The following ACBD6 variants were observed in gnomAD, a reference collection of about 807,000 sequenced individuals.
The protein encoded by ACBD6 is acyl-CoA-binding domain-containing protein 6.
In ACBD6, 28 loss-of-function variants were observed where a neutral mutation model predicts 37.2. That is an observed-to-expected ratio of 0.75 (90% CI 0.56 to 1.03). ACBD6 has a LOEUF of 1.03. ACBD6 is among the 50% of genes least tolerant of loss of function. ACBD6 has a pLI of 0.00. For missense variants in ACBD6, 340 were observed against 337.4 expected (o/e 1.01, Z -0.06); for synonymous variants, 113 against 126.8 (o/e 0.89, Z 0.73).
intron 8 of ACBD6, chr1:180,281,472 T>TGA (rs1259189365): frequency 3.9e-5 from 6 of 152,252 alleles, no homozygotes; most frequent in African/African-American, 1.4e-4. Flanking sequence ...AATAACATCT[T>TGA]GAGAGGTGAT....
chr1:180,298,384 G>A (rs959983604), intron 7 of ACBD6, among the ~76,000 whole-genome samples: 2 of 152,132 alleles, frequency 1.3e-5, no homozygotes, highest in African/African-American at 4.8e-5. Context: ...GATCACGCTT[G>A]GCTCAATTCC....
At chr1:180,458,694 G>C (rs1378123513) in intron 3 of ACBD6, among the ~76,000 whole-genome samples, 1 of 152,042 alleles carries the variant, frequency 6.6e-6, no homozygotes, top group Non-Finnish European at 1.5e-5. Context: ...CATAGTTGAG[G>C]GGCAATGAAA....
chr1:180,496,498 T>C (rs1010162638), intron 1 of ACBD6, among the ~76,000 whole-genome samples: 2 of 152,190 alleles, frequency 1.3e-5, no homozygotes, highest in Non-Finnish European at 2.9e-5. Context: ...CAGAATGATC[T>C]ACTGACTGCC....
chr1:180,492,139 T>A (rs1651529311), intron 3 of ACBD6, 130 bp downstream of exon 3: 1 of 729,920 alleles, frequency 1.4e-6, no homozygotes, highest in Non-Finnish European at 2.3e-6. Context: ...AATATTACAA[T>A]AACTTTAAAA....
intron 7 of ACBD6, among the ~76,000 whole-genome samples, chr1:180,297,722 C>A (rs377047404): frequency 8.5e-5 from 13 of 152,070 alleles, no homozygotes; most frequent in African/African-American, 3.1e-4. Context: ...TTTAAAATTG[C>A]CTCCCAAAAT....
chr1:180,408,911 C>A (rs909333225), intron 5 of ACBD6, among the ~76,000 whole-genome samples: 2 of 152,028 alleles, frequency 1.3e-5, no homozygotes, highest in Non-Finnish European at 2.9e-5. Context: ...AACCCTAACA[C>A]TTTGGGAGGC....
chr1:180,397,223 T>C (rs1654291760), intron 6 of ACBD6, among the ~76,000 whole-genome samples: 1 of 152,114 alleles, frequency 6.6e-6, no homozygotes, highest in South Asian at 2.1e-4. Flanking sequence ...TTATATAAAA[T>C]ATCCAGAATA....
chr1:180,316,118 A>T (rs968834990), intron 6 of ACBD6, among the ~76,000 whole-genome samples: 1 of 151,956 alleles, frequency 6.6e-6, no homozygotes, highest in Non-Finnish European at 1.5e-5. Flanking sequence ...CAGGTAGGGG[A>T]AGAGAGCTAA....
At chr1:180,440,575 T>C (rs1242390585) in intron 3 of ACBD6, among the ~76,000 whole-genome samples, 1 of 152,070 alleles carries the variant, frequency 6.6e-6, no homozygotes, top group East Asian at 1.9e-4. Flanking sequence ...CCAAAAAGCC[T>C]TGAACCCACT....
intron 3 of ACBD6, among the ~76,000 whole-genome samples, chr1:180,451,437 G>C (rs1649701645): frequency 6.6e-6 from 1 of 152,082 alleles, no homozygotes; most frequent in South Asian, 2.1e-4. Context: ...AATGTTCACA[G>C]CAACATTATT....
At chr1:180,415,827 A>C (rs1017434186) in intron 4 of ACBD6, among the ~76,000 whole-genome samples, 7 of 152,126 alleles carry the variant, frequency 4.6e-5, no homozygotes, top group Admixed American at 6.6e-5. Context: ...ATAAATTTCT[A>C]TTTTGTTTAA....
chr1:180,352,849 T>C (rs1240112709), intron 6 of ACBD6, among the ~76,000 whole-genome samples: 1 of 152,158 alleles, frequency 6.6e-6, no homozygotes, highest in African/African-American at 2.4e-5. Context: ...CCCAAGAAAA[T>C]TCAATACTTT....
In ACBD6 at chr1:180,288,306, T is replaced by C. The variant is rs949443249; in HGVS notation, c.*57A>G. The C allele has an allele frequency of 1.8e-5, 29 of 1,610,126 alleles. No homozygotes were observed. The highest frequency in any genetic ancestry group is 4.0e-5 in the African/African-American group (3 of 74,830). ...GGAAAAGAAGTATTATTTTTGTAGTTTTCTTTCATAATGGAAGCCTTATGC... is the reference window on the plus strand; with the variant it reads ...GGAAAAGAAGTATTATTTTTGTAGTCTTCTTTCATAATGGAAGCCTTATGC... On this transcript the variant is annotated 3_prime_UTR_variant, in exon 8 of 8. Transcript: ENST00000367595.
intron 3 of ACBD6, among the ~76,000 whole-genome samples, chr1:180,477,370 G>A (rs1650839626): frequency 1.3e-5 from 2 of 152,186 alleles, no homozygotes; most frequent in South Asian, 4.1e-4. Context: ...ATACACACAA[G>A]CATTAAGAAT....
At chr1:180,404,493 T>C (rs560829880) in intron 5 of ACBD6, among the ~76,000 whole-genome samples, 1 of 152,258 alleles carries the variant, frequency 6.6e-6, no homozygotes, top group African/African-American at 2.4e-5. Context: ...AGTCTCACTT[T>C]GTCGCCCAGG....
intron 1 of ACBD6, among the ~76,000 whole-genome samples, chr1:180,498,862 A>T (rs1261458068): frequency 2.6e-5 from 4 of 152,144 alleles, no homozygotes; most frequent in Non-Finnish European, 5.9e-5. Context: ...TCTCAAAAAA[A>T]AAAAAAAAAG....
chr1:180,381,701 A>G (rs2101928317), intron 6 of ACBD6, among the ~76,000 whole-genome samples: 1 of 152,332 alleles, frequency 6.6e-6, no homozygotes, highest in East Asian at 1.9e-4. Context: ...ACCAAAACCT[A>G]TGGGATACAG....
At chr1:180,328,886 G>A (rs1205116717) in intron 6 of ACBD6, among the ~76,000 whole-genome samples, 1 of 151,966 alleles carries the variant, frequency 6.6e-6, no homozygotes, top group Non-Finnish European at 1.5e-5. Context: ...CAGGTTCTAG[G>A]TATTTTCCTT....
chr1:180,498,597 TA>T (rs1439684022), intron 1 of ACBD6, among the ~76,000 whole-genome samples: 2 of 152,170 alleles, frequency 1.3e-5, no homozygotes, highest in African/African-American at 4.8e-5. Context: ...CTCATGCCTG[TA>T]ATCCCAGCAC....
Sources: gnomAD v4.1 joint callset for allele counts (sites outside exome capture counted in the v4.1 genomes callset) on GRCh38, gnomAD v4.1.1 for gene constraint, MANE v1.5 for transcripts, NCBI Gene and HGNC (gene_info 2026-07-23, HGNC 2026-07-21) for gene names.